Variants in TACC2 observed in about 807,000 individuals in gnomAD.
TACC2 encodes the protein transforming acidic coiled-coil-containing protein 2.
Under a neutral mutation model 227.3 loss-of-function variants are expected in TACC2, and 137 were observed. The ratio of observed to expected loss-of-function variants is 0.60; its 90% CI spans 0.52 to 0.69. The LOEUF is 0.69. TACC2 is among the 30% of genes least tolerant of loss of function. TACC2 has a pLI of 0.00. For synonymous variants in TACC2, 1,523 were observed against 1,487.5 expected, an observed-to-expected ratio of 1.02 and a Z score of -0.55; for missense variants, 3,470 against 3,694.4, an observed-to-expected ratio of 0.94 and a Z score of 1.57.
At chr10:122,095,852 A>C (rs528514210) in intron 5 of TACC2, among the ~76,000 whole-genome samples, 1 of 152,340 alleles carries the variant, frequency 6.6e-6, no homozygotes, top group East Asian at 1.9e-4. Context: ...GGCTGGTGCC[A>C]CTAAGGAACC....
At chr10:122,100,179 G>A (rs1454701934) in intron 5 of TACC2, among the ~76,000 whole-genome samples, 1 of 151,180 alleles carries the variant, frequency 6.6e-6, no homozygotes, top group African/African-American at 2.4e-5. Context: ...CAGGAGAATC[G>A]TTTGAACTTG....
At chr10:122,175,541 G>C (rs760901546) in intron 7 of TACC2, among the ~76,000 whole-genome samples, 1 of 152,102 alleles carries the variant, frequency 6.6e-6, no homozygotes, top group African/African-American at 2.4e-5. Flanking sequence ...CTCGATGTAG[G>C]CTCAAAATTA....
At position 122,215,442 on chromosome 10, in the gene TACC2, A is replaced by G. The variant is rs1430079078; in HGVS notation, c.7335A>G (p.Pro2445=). ...CAAAACGGTCTCCTCTCTCTGATCC[A>G]CCTTCCCAGGTACAGTGTTCCTTTG... The part of the protein sequence containing the change: ...KSPKRSPLSD[P]PSQDPTPAAT... The change falls in exon 10 of 23, where the codon CCA becomes CCG. Residue 2445 remains proline, a synonymous_variant. Coordinates refer to ENST00000369005, the MANE Select transcript of TACC2 (RefSeq NM_206862.4). The G allele has an allele frequency of 1.2e-6, 2 of 1,613,506 alleles. No homozygotes were observed. Among genetic ancestry groups the G allele is most frequent in the Non-Finnish European group, 1.7e-6 (2 of 1,179,830 alleles).
chr10:122,212,397 C>G (rs548081892), intron 9 of TACC2, among the ~76,000 whole-genome samples: 7 of 152,282 alleles, frequency 4.6e-5, no homozygotes, highest in African/African-American at 1.7e-4. Context: ...CTCTATGGTC[C>G]CCAGACACTT....
intron 2 of TACC2, among the ~76,000 whole-genome samples, chr10:122,045,896 C>T (rs907534305): frequency 3.9e-5 from 6 of 152,134 alleles, no homozygotes; most frequent in African/African-American, 1.4e-4. Context: ...AGAAGTGGGC[C>T]GGGTGCCATG....
rs149052483 is a variant in TACC2, at chr10:122,173,079, T to G, written c.5835-21961T>G. On this transcript the variant is annotated intron_variant, in intron 7 of 22. Coordinates refer to ENST00000369005, the MANE Select transcript of TACC2 (RefSeq NM_206862.4). ...CAAGTAGAAAAAAACCAATTCAAAC[T>G]GACTTAGAGAAAAGAGGGCATATAT... is the stretch of plus-strand genomic sequence containing the variant. Among the ~76,000 whole-genome samples the G allele has an allele frequency of 1.2e-3, 188 of 152,134 alleles. 1 individual carries two copies. Among genetic ancestry groups the G allele is most frequent in the African/African-American group, 4.3e-3 (178 of 41,514 alleles).
At chr10:121,993,798 T>C (rs1305272456) in intron 1 of TACC2, among the ~76,000 whole-genome samples, 3 of 152,096 alleles carry the variant, frequency 2.0e-5, no homozygotes, top group African/African-American at 7.2e-5. Flanking sequence ...CCTAATTTTT[T>C]TGTTGTACTT....
intron 20 of TACC2, 82 bp from the exon 21 acceptor site, chr10:122,248,968 T>C (rs1053696278): frequency 6.7e-7 from 1 of 1,495,146 alleles, no homozygotes; most frequent in Non-Finnish European, 9.2e-7. Context: ...TACACCTGCA[T>C]CCGAGAGTTC....
chr10:122,191,094 T>G (rs1355491420), intron 7 of TACC2, among the ~76,000 whole-genome samples: 1 of 151,894 alleles, frequency 6.6e-6, no homozygotes, highest in Non-Finnish European at 1.5e-5. Context: ...ATCTGTAAAA[T>G]GGGCCTGCTG....
At chr10:122,049,016 G>T (rs1437407736) in intron 2 of TACC2, among the ~76,000 whole-genome samples, 1 of 152,160 alleles carries the variant, frequency 6.6e-6, no homozygotes, top group African/African-American at 2.4e-5. Flanking sequence ...TTCTAAAGGA[G>T]GCCTATATTA....
chr10:122,159,979 C>T (rs1388893242), intron 7 of TACC2, among the ~76,000 whole-genome samples: 1 of 152,128 alleles, frequency 6.6e-6, no homozygotes, highest in Non-Finnish European at 1.5e-5. Context: ...CTGACCATGG[C>T]TCCGTCCGTT....
At chr10:122,075,015 G>T (rs987464125) in intron 3 of TACC2, among the ~76,000 whole-genome samples, 1 of 152,078 alleles carries the variant, frequency 6.6e-6, no homozygotes, top group Non-Finnish European at 1.5e-5. Context: ...CTAAATGTTG[G>T]TGGGGTTTGG....
intron 1 of TACC2, among the ~76,000 whole-genome samples, chr10:121,989,700 G>C (rs973814527): frequency 6.6e-6 from 1 of 151,390 alleles, no homozygotes; most frequent in East Asian, 1.9e-4. Flanking sequence ...GCCCTTTTGC[G>C]TCTTTCAACT....
intron 2 of TACC2, among the ~76,000 whole-genome samples, chr10:122,027,271 G>A (rs186968606): frequency 4.6e-5 from 7 of 152,174 alleles, no homozygotes; most frequent in South Asian, 2.1e-4. Flanking sequence ...TGAGGTGTCC[G>A]TTCAGGTCTT....
At chr10:122,033,216 T>C (rs558593554) in intron 2 of TACC2, 2 of 1,116,110 alleles carry the variant, frequency 1.8e-6, no homozygotes, top group East Asian at 5.8e-5. Flanking sequence ...GTCTAGATGG[T>C]TGCAAACATT....
intron 11 of TACC2, among the ~76,000 whole-genome samples, chr10:122,217,298 T>TTCAC (rs2095425430): frequency 6.6e-6 from 1 of 151,966 alleles, no homozygotes; most frequent in Admixed American, 6.6e-5. Flanking sequence ...AAACCAGAGA[T>TTCAC]TCACCCCAGG....
intron 5 of TACC2, among the ~76,000 whole-genome samples, chr10:122,129,607 T>C (rs2087641100): frequency 6.6e-6 from 1 of 152,210 alleles, no homozygotes; most frequent in Admixed American, 6.5e-5. Flanking sequence ...ACTTTGGAGC[T>C]CTGTTTTTCC....
chr10:122,103,680 G>A (rs1301769606), intron 5 of TACC2, among the ~76,000 whole-genome samples: 6 of 152,178 alleles, frequency 3.9e-5, no homozygotes, highest in Admixed American at 2.0e-4. Flanking sequence ...CTTGGTGTTT[G>A]AGTGAATCCC....
intron 5 of TACC2, among the ~76,000 whole-genome samples, chr10:122,109,270 C>T (rs902359307): frequency 1.2e-4 from 19 of 152,044 alleles, no homozygotes; most frequent in Admixed American, 1.2e-3. Context: ...CAAAGTGTTC[C>T]CTTTTCATCT....
Sources: gnomAD v4.1 joint callset for allele counts (sites outside exome capture counted in the v4.1 genomes callset) on GRCh38, gnomAD v4.1.1 for gene constraint, MANE v1.5 for transcripts, NCBI Gene and HGNC (gene_info 2026-07-23, HGNC 2026-07-21) for gene names.